The following PCDHA10 variants were observed in gnomAD, a reference collection of about 807,000 sequenced individuals.
The protein encoded by PCDHA10 is protocadherin alpha 10.
In PCDHA10, 45 loss-of-function variants were observed where a neutral mutation model predicts 61.2. The observed-to-expected ratio is 0.74, with a 90% CI of 0.58 to 0.94. The LOEUF (loss-of-function observed/expected upper bound fraction) is 0.94, where lower values mean the gene tolerates loss of function less well. PCDHA10 is among the 40% of genes least tolerant of loss of function. PCDHA10 has a pLI of 0.00. For missense variants in PCDHA10, 1,278 were observed against 1,236.2 expected (o/e 1.03, Z -0.51); for synonymous variants, 602 against 548.8 (o/e 1.10, Z -1.35).
At position 140,984,181 on chromosome 5, in the gene PCDHA10, C is replaced by T. The variant is rs995252456; in HGVS notation, c.2536+1618C>T. Among the ~76,000 whole-genome samples, 5 of 152,210 alleles carry T rather than the reference C, an allele frequency of 3.3e-5. No individual in the cohort carries two copies. In the East Asian group the frequency reaches 9.6e-4, roughly 29 times the overall value. Reference sequence around the variant, plus strand: ...ACTTCCCAAAGAAGCCACGTGAAATCATGACTTTCTACCTTGCCTTTATTT... The same window carrying T: ...ACTTCCCAAAGAAGCCACGTGAAATTATGACTTTCTACCTTGCCTTTATTT... On this transcript the variant is annotated intron_variant, in intron 3 of 3. Coordinates refer to ENST00000307360, the MANE Select transcript of PCDHA10 (RefSeq NM_018901.4).
rs146522449 is a variant in PCDHA10, at chr5:140,877,816, G to A, written c.2388+19380G>A. ...CCCAAGCCTTCAGCTGTCTCGAGAA[G>A]ATTGTTTAAATCCTCCCAGTGAAGT... On this transcript the variant is annotated intron_variant, in intron 1 of 3. Coordinates refer to ENST00000307360, the MANE Select transcript of PCDHA10 (RefSeq NM_018901.4). The A allele has an allele frequency of 2.8e-3, 4,449 of 1,609,310 alleles. 21 individuals carry two copies. Among genetic ancestry groups the A allele is most frequent in the African/African-American group, 0.01 (772 of 74,842 alleles).
chr5:140,868,957 A>G (rs2050760003), intron 1 of PCDHA10: 2 of 1,389,232 alleles, frequency 1.4e-6, no homozygotes, highest in East Asian at 2.3e-5. Context: ...AGGCACTCCC[A>G]TACAAAGGAA....
chr5:140,927,136 G>A (rs2083883058), intron 1 of PCDHA10: 3 of 1,613,986 alleles, frequency 1.9e-6, no homozygotes, highest in African/African-American at 2.7e-5. Flanking sequence ...AGAGCCGGCG[G>A]ACCGCGAACA....
intron 1 of PCDHA10, among the ~76,000 whole-genome samples, chr5:140,955,276 T>A (rs1485560412): frequency 6.6e-6 from 1 of 152,120 alleles, no homozygotes; most frequent in Non-Finnish European, 1.5e-5. Flanking sequence ...TTTGGTTCCA[T>A]ATTGATATGG....
chr5:140,938,477 A>T (rs2092083791), intron 1 of PCDHA10, among the ~76,000 whole-genome samples: 1 of 152,178 alleles, frequency 6.6e-6, no homozygotes, highest in Non-Finnish European at 1.5e-5. Flanking sequence ...TATGTTTTTT[A>T]AAAATCATGA....
rs200153004 is a variant in PCDHA10 at position 140,870,042 on chromosome 5, G to A, written c.2388+11606G>A. 5 of 1,613,712 alleles carry A rather than the reference G, an allele frequency of 3.1e-6. No homozygotes were observed. In the East Asian group the frequency reaches 6.7e-5, roughly 22 times the overall value. On this transcript the variant is annotated intron_variant, in intron 1 of 3. Coordinates refer to ENST00000307360, the MANE Select transcript of PCDHA10 (RefSeq NM_018901.4). The stretch of plus-strand genomic sequence containing the variant: ...GAACTTTAGATTATGAAGAAAACAA[G>A]TTTTATAAAATTGAAGTACAGGCTA...
At chr5:140,884,520 C>A (rs782029549) in intron 1 of PCDHA10, 1 of 1,614,036 alleles carries the variant, frequency 6.2e-7, no homozygotes, top group Non-Finnish European at 8.5e-7. Flanking sequence ...TGGTCGTACT[C>A]GCAGCAGAGG....
Position 140,856,170 on chromosome 5 carries a change from G to T in PCDHA10, c.122G>T (p.Gly41Val). The T allele has an allele frequency of 6.3e-7, 1 of 1,598,322 alleles. No homozygotes were observed. The highest frequency in any genetic ancestry group is 8.6e-7 in the Non-Finnish European group (1 of 1,167,934). The change falls in exon 1 of 4, where the codon GGC becomes GTC. Residue 41 changes from glycine to valine, a missense_variant. Transcript: ENST00000307360. ...HYSVYEEARH[G>V]TFVGRIAQDL... Reference sequence around the variant, plus strand: ...TCAGTCTACGAGGAGGCCAGACACGGCACCTTCGTGGGCCGCATCGCGCAG... The same window carrying T: ...TCAGTCTACGAGGAGGCCAGACACGTCACCTTCGTGGGCCGCATCGCGCAG...
chr5:140,929,226 C>G lies in PCDHA10; in HGVS notation c.2389-49723C>G, dbSNP rs782065898. ...TGTTGCGTGGGGAGTACAATGCTGC[C>G]GACCTGCGAAATCTTGCCACTGGGG... is the stretch of plus-strand genomic sequence containing the variant. On this transcript the variant is annotated intron_variant, in intron 1 of 3. Transcript: ENST00000307360. 5.0e-6 allele frequency: 8 copies of G among 1,613,768 alleles called. No homozygotes were observed. In the South Asian group the frequency reaches 8.8e-5, roughly 18 times the overall value.
intron 1 of PCDHA10, among the ~76,000 whole-genome samples, chr5:140,895,742 G>T (rs2065139471): frequency 6.6e-6 from 1 of 152,110 alleles, no homozygotes; most frequent in South Asian, 2.1e-4. Context: ...GGGCTGCAAA[G>T]GGCATGATCT....
intron 1 of PCDHA10, chr5:140,859,239 A>G (rs1025873150): frequency 1.3e-5 from 2 of 152,746 alleles, no homozygotes; most frequent in Admixed American, 1.3e-4. Flanking sequence ...AGTCATGCTT[A>G]TGTTTAATAA....
At chr5:140,980,842 T>C (rs376646751) in intron 2 of PCDHA10, among the ~76,000 whole-genome samples, 2 of 152,328 alleles carry the variant, frequency 1.3e-5, no homozygotes, top group Non-Finnish European at 2.9e-5. Flanking sequence ...ACCTAAATAA[T>C]ACTAATCTTT....
intron 1 of PCDHA10, chr5:140,926,752 C>T (rs1176032200): frequency 8.0e-7 from 1 of 1,254,344 alleles, no homozygotes; most frequent in Admixed American, 3.6e-5. Context: ...CGTCGGCGGT[C>T]GCTGAGTATC....
chr5:140,926,068 G>A (rs2082901302), intron 1 of PCDHA10, among the ~76,000 whole-genome samples: 1 of 152,168 alleles, frequency 6.6e-6, no homozygotes, highest in African/African-American at 2.4e-5. Context: ...CCTCCTTGTC[G>A]TCTCTATTGC....
At chr5:140,868,922 C>A in intron 1 of PCDHA10, 2 of 1,015,106 alleles carry the variant, frequency 2.0e-6, no homozygotes, top group Non-Finnish European at 2.8e-6. Flanking sequence ...GTGGAAAGTT[C>A]ATTTAAAGGT....
At chr5:140,870,849 G>A (rs2052464243) in intron 1 of PCDHA10, 2 of 1,613,878 alleles carry the variant, frequency 1.2e-6, no homozygotes, top group Non-Finnish European at 1.7e-6. Context: ...TAGTACCGCG[G>A]TCGGTGGGTG....
intron 3 of PCDHA10, among the ~76,000 whole-genome samples, chr5:141,007,690 C>T (rs2098341020): frequency 6.6e-6 from 1 of 152,224 alleles, no homozygotes; most frequent in Non-Finnish European, 1.5e-5. Flanking sequence ...CCTACTTCCA[C>T]CTCCCTCCTC....
intron 3 of PCDHA10, among the ~76,000 whole-genome samples, chr5:141,007,208 A>G (rs1056049066): frequency 5.3e-5 from 8 of 152,060 alleles, no homozygotes; most frequent in African/African-American, 1.9e-4. Context: ...GGGCCAGAAT[A>G]TGCTGTCCCA....
intron 1 of PCDHA10, among the ~76,000 whole-genome samples, chr5:140,970,255 A>G (rs155806): frequency 0.089 from 13,563 of 152,250 alleles, 783 homozygotes; most frequent in Middle Eastern, 0.22. Context: ...GACAGTTTCT[A>G]TGGTTTTGAT....
Sources: allele counts gnomAD v4.1 joint callset (sites outside exome capture counted in the v4.1 genomes callset), GRCh38; gene constraint gnomAD v4.1.1; transcripts MANE v1.5; gene names NCBI Gene and HGNC (gene_info 2026-07-23, HGNC 2026-07-21).